The following SHANK2 variants were observed in gnomAD, a reference collection of about 807,000 sequenced individuals.
SHANK2 encodes the protein SH3 and multiple ankyrin repeat domains protein 2.
Under a neutral mutation model 133.7 loss-of-function variants are expected in SHANK2, and 43 were observed. The ratio of observed to expected loss-of-function variants is 0.32; its 90% confidence interval spans 0.25 to 0.41. The LOEUF is 0.41. Ranked by LOEUF, SHANK2 falls within the 10% of genes least tolerant of loss-of-function variation. The pLI is 1.00. For synonymous variants in SHANK2, 1,017 were observed against 952.8 expected, an observed-to-expected ratio of 1.07 and a Z score of -1.24; for missense variants, 1,994 against 2,235.8, an observed-to-expected ratio of 0.89 and a Z score of 2.18.
At chr11:71,173,733 G>A (rs1025250582) in intron 2 of SHANK2, among the ~76,000 whole-genome samples, 2 of 152,208 alleles carry the variant, frequency 1.3e-5, no homozygotes, top group Non-Finnish European at 2.9e-5. Context: ...TAGTCAAGAT[G>A]AGATCATATA....
rs2058818727 is a variant in SHANK2, at chr11:70,487,017, C to G, written c.3276G>C (p.Arg1092=). The G allele has an allele frequency of 6.2e-7, 1 of 1,610,156 alleles. No homozygotes were observed. Among genetic ancestry groups the G allele is most frequent in the East Asian group, 2.2e-5 (1 of 44,836 alleles). ...CCGGGGAGTTCCTCCTGGCTTCCAG[C>G]CGCTTCTCACGGTCGCGGACGGCTC... The part of the protein sequence containing the change: ...IAGAVRDREK[R]LEARRNSPAF... The change falls in exon 25 of 26, where the codon CGG becomes CGC. Residue 1092 remains arginine (R), a synonymous_variant. Transcript: ENST00000601538. The surrounding 1 kb of genome is among the most constrained non-coding windows in gnomAD (Gnocchi z 5.8).
rs566232231 is a variant in SHANK2 at position 70,645,024 on chromosome 11, C to T, written c.2061+14804G>A. Among the ~76,000 whole-genome samples, 74 of 152,184 alleles carry T rather than the reference C, an allele frequency of 4.9e-4. 1 individual carries two copies. The highest frequency in any genetic ancestry group is 4.1e-3 in the Admixed American group (62 of 15,292). On this transcript the variant is annotated intron_variant, in intron 17 of 25. Transcript: ENST00000601538. Reference sequence around the variant, plus strand: ...ATCACCTGAGTTCAGGAGTTCGAGACGAGCCTGGCCAACATGGTGAAACCC... The same window carrying T: ...ATCACCTGAGTTCAGGAGTTCGAGATGAGCCTGGCCAACATGGTGAAACCC...
chr11:71,085,716 T>A (rs1462069321), intron 8 of SHANK2, among the ~76,000 whole-genome samples: 17 of 63,020 alleles, frequency 2.7e-4, no homozygotes, highest in East Asian at 1.2e-3. Flanking sequence ...TTATATATAT[T>A]ATATTATATA....
chr11:70,883,631 G>T (rs1239995823), intron 11 of SHANK2, among the ~76,000 whole-genome samples: 3 of 152,176 alleles, frequency 2.0e-5, no homozygotes, highest in Non-Finnish European at 2.9e-5. Flanking sequence ...GGTGTGCTGC[G>T]GTGTGGAGCA....
At chr11:70,496,161 CTGCTG>C (rs147306014) in intron 21 of SHANK2, among the ~76,000 whole-genome samples, 1,831 of 152,298 alleles carry the variant, frequency 0.012, 18 homozygotes, top group Middle Eastern at 0.024. Flanking sequence ...TGGCCAGGCT[CTGCTG>C]TGCTGTTGGC....
intron 11 of SHANK2, among the ~76,000 whole-genome samples, chr11:70,860,031 C>T (rs1015084818): frequency 2.0e-5 from 3 of 152,152 alleles, no homozygotes; most frequent in Non-Finnish European, 2.9e-5. Flanking sequence ...CAAAGAACCC[C>T]GACTATCTCC....
intron 11 of SHANK2, among the ~76,000 whole-genome samples, chr11:70,828,555 G>A (rs1420701926): frequency 1.3e-5 from 2 of 152,210 alleles, no homozygotes; most frequent in South Asian, 2.1e-4. Flanking sequence ...AACCCTCCTC[G>A]GATGCACAAA....
At chr11:70,896,404 C>T in intron 11 of SHANK2, 97 bp downstream of exon 11, 1 of 624,330 alleles carries the variant, frequency 1.6e-6, no homozygotes, top group Non-Finnish European at 2.9e-6. Flanking sequence ...AGGCTCTAAA[C>T]CAATCTTAGG....
intron 17 of SHANK2, among the ~76,000 whole-genome samples, chr11:70,590,865 T>C (rs2060312228): frequency 6.6e-6 from 1 of 152,186 alleles, no homozygotes; most frequent in Non-Finnish European, 1.5e-5. Context: ...GGTCGGCCTG[T>C]GCAGAAAACA....
intron 11 of SHANK2, among the ~76,000 whole-genome samples, chr11:70,887,438 C>T (rs1314913429): frequency 6.6e-5 from 10 of 151,828 alleles, no homozygotes; most frequent in African/African-American, 1.2e-4. Context: ...ACATGCTGGC[C>T]GGATTGTGAA....
At position 70,472,931 on chromosome 11, in the gene SHANK2, C is replaced by T; in HGVS notation, c.5488G>A (p.Val1830Ile). The T allele has an allele frequency of 1.2e-6, 2 of 1,614,236 alleles. No individual in the cohort carries two copies. The highest frequency in any genetic ancestry group is 1.1e-5 in the South Asian group (1 of 91,086). ...LQKEDLIDLG[V>I]TRVGHRMNIE... is the part of the protein sequence containing the mutation. ...TTCATTCTGTGCCCGACTCGAGTTA[C>T]CCCAAGATCGATGAGGTCCTCCTTC... The change falls in exon 26 of 26, where the codon GTA becomes ATA. Residue 1830 changes from valine (V) to isoleucine (I), a missense_variant. By Grantham distance (29) the Val-to-Ile change is conservative. Coordinates refer to ENST00000601538, the MANE Select transcript of SHANK2 (RefSeq NM_012309.5). The surrounding 1 kb of genome is among the most constrained non-coding windows in gnomAD (Gnocchi z 4.4).
chr11:70,712,384 G>A (rs1022912301), intron 14 of SHANK2, among the ~76,000 whole-genome samples: 1 of 152,310 alleles, frequency 6.6e-6, no homozygotes, highest in South Asian at 2.1e-4. Flanking sequence ...CTGGACATTA[G>A]GACGTGAACA....
At chr11:70,792,897 G>A (rs1320114796) in intron 14 of SHANK2, among the ~76,000 whole-genome samples, 1 of 152,064 alleles carries the variant, frequency 6.6e-6, no homozygotes, top group Non-Finnish European at 1.5e-5. Context: ...AACAGCCTGG[G>A]CAACATAGTG....
chr11:71,242,717 C>T (rs1161784079), intron 1 of SHANK2, among the ~76,000 whole-genome samples: 2 of 152,232 alleles, frequency 1.3e-5, no homozygotes, highest in Non-Finnish European at 2.9e-5. Context: ...TGTTGTATCC[C>T]AGAGTCTAGA....
chr11:70,786,409 G>C (rs61885463), intron 14 of SHANK2, among the ~76,000 whole-genome samples: 1 of 152,156 alleles, frequency 6.6e-6, no homozygotes, highest in Non-Finnish European at 1.5e-5. Flanking sequence ...GAGCCTTGGT[G>C]GTGCTGGTGT....
At chr11:71,102,425 G>A (rs903938736) in intron 6 of SHANK2, among the ~76,000 whole-genome samples, 2 of 152,074 alleles carry the variant, frequency 1.3e-5, no homozygotes, top group Non-Finnish European at 2.9e-5. Flanking sequence ...CCTCCGCTCC[G>A]GCCCCATGTC....
chr11:70,539,423 C>T lies in SHANK2; in HGVS notation c.2062-36492G>A, dbSNP rs566895588. ...CCAGACTCCGAGTCGGGGTGCCCAA[C>T]AGATCTGCGGGGGAAAGGTGCTGTG... On this transcript the variant is annotated intron_variant, in intron 17 of 25. Transcript: ENST00000601538. Among the ~76,000 whole-genome samples the T allele has an allele frequency of 3.4e-5, 5 of 147,512 alleles. No individual in the cohort carries two copies. In the South Asian group the frequency reaches 1.1e-3, roughly 33 times the overall value.
At chr11:70,696,398 C>T (rs1479179720) in intron 15 of SHANK2, among the ~76,000 whole-genome samples, 1 of 152,192 alleles carries the variant, frequency 6.6e-6, no homozygotes, top group Non-Finnish European at 1.5e-5. Flanking sequence ...TATCATTGTG[C>T]AGACTCTGCT....
At chr11:70,890,777 C>A (rs1555074500) in intron 11 of SHANK2, among the ~76,000 whole-genome samples, 2 of 134,172 alleles carry the variant, frequency 1.5e-5, no homozygotes, top group African/African-American at 5.6e-5. Flanking sequence ...CCAGCCAGGG[C>A]AGCAAGAGTG....
Sources: gnomAD v4.1 joint callset for allele counts (sites outside exome capture counted in the v4.1 genomes callset) on GRCh38, gnomAD v4.1.1 for gene constraint, Gnocchi (gnomAD v3.1) non-coding constraint, MANE v1.5 for transcripts, NCBI Gene and HGNC (gene_info 2026-07-23, HGNC 2026-07-21) for gene names.